STYX: variants seen among roughly 807,000 people sequenced by gnomAD.
STYX encodes serine/threonine/tyrosine interacting protein.
STYX carries 20 observed loss-of-function variants against 42.7 expected under a neutral mutation model. That is an observed-to-expected ratio of 0.47 (90% CI 0.33 to 0.68). The LOEUF (loss-of-function observed/expected upper bound fraction) is 0.68. Among genes scored for constraint, STYX ranks in the 30% least tolerant of loss-of-function variants. The pLI, the probability that STYX is intolerant of heterozygous loss-of-function variation, is 0.02. For synonymous variants in STYX, 78 were observed against 81.9 expected (o/e 0.95, Z 0.26); for missense variants, 226 against 268.5 (o/e 0.84, Z 1.11).
At chr14:52,739,161 G>T (rs1862133996) in intron 1 of STYX, among the ~76,000 whole-genome samples, 1 of 149,328 alleles carries the variant, frequency 6.7e-6, no homozygotes, top group East Asian at 2.0e-4. Flanking sequence ...TCTTTCCTGT[G>T]ATACTCCCAT....
At chr14:52,756,514 C>G in intron 4 of STYX, 37 bp from the exon 5 acceptor site, 1 of 1,244,330 alleles carries the variant, frequency 8.0e-7, no homozygotes, top group Non-Finnish European at 1.1e-6. Flanking sequence ...AAGTGTTTTA[C>G]TTAAAGTGTG....
chr14:52,749,253 A>G (rs545981441), intron 3 of STYX, among the ~76,000 whole-genome samples: 8 of 152,266 alleles, frequency 5.3e-5, no homozygotes, highest in African/African-American at 1.9e-4. Flanking sequence ...CATGACCTCA[A>G]TCTAAAACTG....
intron 1 of STYX, among the ~76,000 whole-genome samples, chr14:52,741,369 T>G (rs539122024): frequency 2.0e-5 from 3 of 152,118 alleles, no homozygotes; most frequent in Non-Finnish European, 2.9e-5. Context: ...GCATTTGGTG[T>G]TGTCAATTTT....
rs145611504 is a variant in STYX at position 52,751,879 on chromosome 14, T to G, written c.242+1099T>G. Among the ~76,000 whole-genome samples the G allele has an allele frequency of 2.2e-3, 332 of 152,254 alleles. 2 individuals are homozygous for G. Among genetic ancestry groups the G allele is most frequent in the African/African-American group, 7.6e-3 (314 of 41,544 alleles). ...TAAAAGTATATATGTTAAAAATATT[T>G]TAGGCCAGCACGGTGGCTCACGCCT... is the stretch of plus-strand genomic sequence containing the variant. On this transcript the variant is annotated intron_variant, in intron 4 of 10. Coordinates refer to ENST00000354586, the MANE Select transcript of STYX (RefSeq NM_145251.4).
chr14:52,754,940 A>G (rs1036987174), intron 4 of STYX, among the ~76,000 whole-genome samples: 1 of 152,166 alleles, frequency 6.6e-6, no homozygotes, highest in Non-Finnish European at 1.5e-5. Context: ...TGAAAATGTT[A>G]TGCGTTAAAA....
Position 52,773,991 on chromosome 14 carries a change from CTT to C in STYX, c.*2886_*2887del, listed in dbSNP as rs1459304137. On this transcript the variant is annotated 3_prime_UTR_variant, in exon 11 of 11. Coordinates refer to ENST00000354586, the MANE Select transcript of STYX (RefSeq NM_145251.4). ...TACTGTCCATTTTGAAAATATGAAA[CTT>C]GAGTATTGAAAATATTCAAACATGG... is the stretch of plus-strand genomic sequence containing the variant. The C allele has an allele frequency of 6.6e-6, 1 of 152,122 alleles. No individual in the cohort carries two copies. Among genetic ancestry groups the C allele is most frequent in the African/African-American group, 2.4e-5 (1 of 41,422 alleles). 9.4% of individuals were successfully genotyped at this position (152,122 alleles called of 1,614,324 possible).
intron 1 of STYX, among the ~76,000 whole-genome samples, chr14:52,733,339 T>A (rs115601308): frequency 1.8e-4 from 27 of 152,188 alleles, no homozygotes; most frequent in Non-Finnish European, 3.2e-4. Flanking sequence ...GAAAACACAC[T>A]CTTTTTTTTA....
intron 1 of STYX, among the ~76,000 whole-genome samples, chr14:52,734,155 T>G (rs1880850342): frequency 6.6e-6 from 1 of 152,192 alleles, no homozygotes; most frequent in Non-Finnish European, 1.5e-5. Flanking sequence ...ACAGCCAATT[T>G]CCCGTCTACT....
chr14:52,734,787 C>T (rs986387315), intron 1 of STYX, among the ~76,000 whole-genome samples: 2 of 152,118 alleles, frequency 1.3e-5, no homozygotes, highest in African/African-American at 4.8e-5. Flanking sequence ...TCCGGCCGGG[C>T]GTGGTGGCTC....
At chr14:52,730,819 C>T (rs2045508818) in intron 1 of STYX, among the ~76,000 whole-genome samples, 2 of 152,212 alleles carry the variant, frequency 1.3e-5, no homozygotes, top group Non-Finnish European at 1.5e-5. Flanking sequence ...TAAGGTTCCT[C>T]TTTTATTGTC....
At chr14:52,763,731 A>G (rs1161924465) in intron 9 of STYX, among the ~76,000 whole-genome samples, 1 of 152,050 alleles carries the variant, frequency 6.6e-6, no homozygotes, top group Non-Finnish European at 1.5e-5. Context: ...TTTGTGGTTT[A>G]ATATGTAGTT....
At chr14:52,746,532 T>C in intron 3 of STYX, 53 bp downstream of exon 3, 1 of 1,482,162 alleles carries the variant, frequency 6.7e-7, no homozygotes, top group Non-Finnish European at 9.1e-7. Flanking sequence ...CAACTTTTCT[T>C]GGGTAAGTTT....
At chr14:52,743,293 T>G (rs959292567) in intron 1 of STYX, among the ~76,000 whole-genome samples, 1 of 152,038 alleles carries the variant, frequency 6.6e-6, no homozygotes, top group Non-Finnish European at 1.5e-5. Flanking sequence ...TTAAAAATAC[T>G]TTTCTGGGCC....
At chr14:52,762,465 A>G (rs537124249) in intron 9 of STYX, among the ~76,000 whole-genome samples, 7 of 152,192 alleles carry the variant, frequency 4.6e-5, no homozygotes, top group East Asian at 1.9e-4. Flanking sequence ...TGGTCCAGCA[A>G]TGGATCCCAC....
At position 52,762,377 on chromosome 14, in the gene STYX, A is replaced by G. The variant is rs925777913; in HGVS notation, c.504+2623A>G. 2.0e-5 allele frequency among the ~76,000 whole-genome samples: 3 copies of G among 152,172 alleles called. No homozygotes were observed. The East Asian group carries it at 5.8e-4, about 29-fold the overall frequency. Reference sequence around the variant, plus strand: ...AGGTGCTTATGGAATGGCTAGTTCTAGTTTTTGAACCGTTAATATGGTGAC... The same window carrying G: ...AGGTGCTTATGGAATGGCTAGTTCTGGTTTTTGAACCGTTAATATGGTGAC... On this transcript the variant is annotated intron_variant, in intron 9 of 10. Coordinates refer to ENST00000354586, the MANE Select transcript of STYX (RefSeq NM_145251.4).
At chr14:52,733,901 C>A (rs978292252) in intron 1 of STYX, among the ~76,000 whole-genome samples, 2 of 151,978 alleles carry the variant, frequency 1.3e-5, no homozygotes, top group African/African-American at 2.4e-5. Context: ...TAGCAGCACT[C>A]CCCCCCGACC....
chr14:52,758,245 C>T (rs1881952580), intron 8 of STYX, among the ~76,000 whole-genome samples: 1 of 152,196 alleles, frequency 6.6e-6, no homozygotes, highest in South Asian at 2.1e-4. Context: ...TCTCCTTTAA[C>T]AATAGTTGGA....
intron 1 of STYX, chr14:52,731,807 G>T (rs1880715583): frequency 6.6e-6 from 1 of 152,000 alleles, no homozygotes; most frequent in African/African-American, 2.4e-5. Context: ...TTTAAGAGTA[G>T]AGACTTTGTT....
intron 5 of STYX, 54 bp from the exon 6 acceptor site, chr14:52,757,265 C>T (rs1881910378): frequency 5.1e-6 from 7 of 1,368,358 alleles, no homozygotes; most frequent in Non-Finnish European, 6.0e-6. Context: ...CATTTTGTTT[C>T]ATTATATGCA....
Sources: gnomAD v4.1 joint callset for allele counts (sites outside exome capture counted in the v4.1 genomes callset) on GRCh38, gnomAD v4.1.1 for gene constraint, MANE v1.5 for transcripts, NCBI Gene and HGNC (gene_info 2026-07-23, HGNC 2026-07-21) for gene names.